Variants in DNAAF10 observed in about 807,000 individuals in gnomAD.
DNAAF10 encodes dynein axonemal assembly factor 10, also known as WD repeat domain 92.
Under a neutral mutation model 43.7 loss-of-function variants are expected in DNAAF10, and 28 were observed. The observed-to-expected ratio is 0.64, with a 90% CI of 0.48 to 0.88. The LOEUF (loss-of-function observed/expected upper bound fraction) is 0.88, where lower values mean the gene tolerates loss of function less well. DNAAF10 is among the 40% of genes least tolerant of loss of function. DNAAF10 has a pLI of 0.00. For missense variants in DNAAF10, 403 were observed against 439.1 expected, an observed-to-expected ratio of 0.92 and a Z score of 0.73; for synonymous variants, 156 against 157.3, an observed-to-expected ratio of 0.99 and a Z score of 0.06.
At chr2:68,144,458 C>A in intron 3 of DNAAF10, 127 bp downstream of exon 3, 2 of 1,221,250 alleles carry the variant, frequency 1.6e-6, no homozygotes, top group Non-Finnish European at 2.3e-6. Context: ...AAAAAAGTAG[C>A]AGCAAGACTG....
chr2:68,136,335 G>T (rs1047619662), intron 6 of DNAAF10, among the ~76,000 whole-genome samples: 1 of 151,954 alleles, frequency 6.6e-6, no homozygotes, highest in African/African-American at 2.4e-5. Context: ...TTAGTAAAGT[G>T]ATTTATGTTG....
At chr2:68,132,281 G>A (rs186453471) in intron 7 of DNAAF10, among the ~76,000 whole-genome samples, 6 of 152,242 alleles carry the variant, frequency 3.9e-5, no homozygotes, top group East Asian at 1.9e-4. Context: ...GGCCAAGAAC[G>A]TAAGAAGCAC....
chr2:68,137,544 A>G, intron 5 of DNAAF10, 111 bp from the exon 6 acceptor site: 1 of 1,074,342 alleles, frequency 9.3e-7, no homozygotes, highest in Non-Finnish European at 1.3e-6. Flanking sequence ...AAGCACTCCA[A>G]CAATCATTTA....
At chr2:68,135,784 A>C (rs1386804979) in intron 6 of DNAAF10, among the ~76,000 whole-genome samples, 1 of 152,238 alleles carries the variant, frequency 6.6e-6, no homozygotes, top group African/African-American at 2.4e-5. Flanking sequence ...GAAACATTTT[A>C]TTTTGTAGCT....
chr2:68,136,352 G>C (rs1010062351), intron 6 of DNAAF10, among the ~76,000 whole-genome samples: 1 of 152,008 alleles, frequency 6.6e-6, no homozygotes, highest in African/African-American at 2.4e-5. Context: ...GTTGTTGATA[G>C]ATACTTAATA....
At chr2:68,140,758 C>T (rs755800344) in intron 4 of DNAAF10, among the ~76,000 whole-genome samples, 2 of 152,182 alleles carry the variant, frequency 1.3e-5, no homozygotes, top group Admixed American at 1.3e-4. Context: ...CCTACTATTA[C>T]TCTCTTCTAC....
At chr2:68,145,036 C>G (rs1481361406) in intron 2 of DNAAF10, among the ~76,000 whole-genome samples, 1 of 152,062 alleles carries the variant, frequency 6.6e-6, no homozygotes, top group Non-Finnish European at 1.5e-5. Flanking sequence ...GACTCATGGG[C>G]TCCTCCCCAA....
At chr2:68,136,596 A>ATCTT (rs1673049499) in intron 6 of DNAAF10, among the ~76,000 whole-genome samples, 1 of 152,194 alleles carries the variant, frequency 6.6e-6, no homozygotes, top group Non-Finnish European at 1.5e-5. Context: ...TCTGTAACTG[A>ATCTT]TCTTTCTTTC....
At chr2:68,157,159 G>A (rs1439905037) in intron 1 of DNAAF10, 102 bp downstream of exon 1, 5 of 1,469,886 alleles carry the variant, frequency 3.4e-6, no homozygotes, top group Non-Finnish European at 4.5e-6. Context: ...CTCAAGCCAT[G>A]CTTTGGGGGA....
chr2:68,136,661 C>G (rs1673050424), intron 6 of DNAAF10, among the ~76,000 whole-genome samples: 1 of 152,168 alleles, frequency 6.6e-6, no homozygotes, highest in African/African-American at 2.4e-5. Context: ...TTGTGAATGA[C>G]AGGACCTTTC....
rs1190157480 is a variant in DNAAF10, at chr2:68,131,438, G to T, written c.874C>A (p.Pro292Thr). 6.2e-7 allele frequency: 1 copy of T among 1,613,472 alleles called. No homozygotes were observed. Among genetic ancestry groups the T allele is most frequent in the African/African-American group, 1.3e-5 (1 of 74,922 alleles). ...GAATCTTTCTTTGACCGCTGAATAGGGTATTCACTGAAAACAAGATCAAAA... is the reference window on the plus strand; with the variant it reads ...GAATCTTTCTTTGACCGCTGAATAGTGTATTCACTGAAAACAAGATCAAAA... ...GGLHLWKYEY[P>T]IQRSKKDSEG... The change falls in exon 8 of 8, where the codon CCT (proline) becomes ACT (threonine). Residue 292 changes from proline (P) to threonine (T), a missense_variant. Physicochemically the swap from Pro to Thr is conservative, Grantham distance 38. Transcript: ENST00000295121.
At chr2:68,141,978 C>T (rs924973496) in intron 3 of DNAAF10, among the ~76,000 whole-genome samples, 183 bp from the exon 4 acceptor site, 1 of 152,150 alleles carries the variant, frequency 6.6e-6, no homozygotes, top group Non-Finnish European at 1.5e-5. Flanking sequence ...AGATATCACC[C>T]ATATGTAACT....
chr2:68,136,767 C>T (rs7586731), intron 6 of DNAAF10, among the ~76,000 whole-genome samples: 110,687 of 151,462 alleles, frequency 0.73, 41,584 homozygotes, highest in African/African-American at 0.93. Flanking sequence ...ATTGGTCTAA[C>T]GCCATAATAC....
rs1673606775 is a variant in DNAAF10, at chr2:68,156,229, C to T, written c.183+1032G>A. Among the ~76,000 whole-genome samples, 3 of 151,604 alleles carry T rather than the reference C, an allele frequency of 2.0e-5. No homozygotes were observed. In the South Asian group the frequency reaches 6.2e-4, roughly 32 times the overall value. On this transcript the variant is annotated intron_variant, in intron 1 of 7. Coordinates refer to ENST00000295121, the MANE Select transcript of DNAAF10 (RefSeq NM_138458.4). ...GTTTGTCATTCAGGGAAACTTAAAG[C>T]GGGATGGGGTCTTACATACTTTCTA...
chr2:68,137,414 T>A lies in DNAAF10; in HGVS notation c.653A>T (p.Asp218Val). The change falls in exon 6 of 8, where the codon GAC becomes GTC. Residue 218 changes from aspartate (D) to valine (V), a missense_variant. Transcript: ENST00000295121. Reference sequence around the variant, plus strand: ...CTTATTCATACTTATGTCTTTTCTGTCAAACTCCAAGCTACACACCTGAAA... The same window carrying A: ...CTTATTCATACTTATGTCTTTTCTGACAAACTCCAAGCTACACACCTGAAA... The part of the protein sequence containing the change: ...IKNGVCSLEF[D>V]RKDISMNKLV... The A allele has an allele frequency of 6.2e-7, 1 of 1,612,326 alleles. No homozygotes were observed. Among genetic ancestry groups the A allele is most frequent in the Non-Finnish European group, 8.5e-7 (1 of 1,179,186 alleles).
intron 1 of DNAAF10, among the ~76,000 whole-genome samples, chr2:68,155,368 C>T (rs1673569886): frequency 6.6e-6 from 1 of 151,716 alleles, no homozygotes; most frequent in African/African-American, 2.4e-5. Context: ...GTAGCATGTG[C>T]CTGTAATTCC....
chr2:68,131,483 T>C, intron 7 of DNAAF10, 38 bp from the exon 8 acceptor site: 1 of 1,600,144 alleles, frequency 6.2e-7, no homozygotes, highest in Non-Finnish European at 8.6e-7. Flanking sequence ...CGCATAAATC[T>C]TAGCTTTCAC....
At chr2:68,153,827 C>T (rs1199125607) in intron 1 of DNAAF10, among the ~76,000 whole-genome samples, 6 of 139,632 alleles carry the variant, frequency 4.3e-5, no homozygotes, top group Non-Finnish European at 7.5e-5. Flanking sequence ...TCTCGGCTCA[C>T]TGCAACTTCT....
rs1673646890 is a variant in DNAAF10, at chr2:68,157,243, C to G, written c.183+18G>C. 1 of 1,604,656 alleles carries G rather than the reference C, an allele frequency of 6.2e-7. No individual in the cohort carries two copies. Among genetic ancestry groups the G allele is most frequent in the Non-Finnish European group, 8.5e-7 (1 of 1,175,320 alleles). On this transcript the variant is annotated intron_variant, in intron 1 of 7. Coordinates refer to ENST00000295121, the MANE Select transcript of DNAAF10 (RefSeq NM_138458.4). ...ACTCGCCCCCAACGGCAGTCCGGATCCTCGACCCGGCACCCACCTCCCGAA... is the reference window on the plus strand; with the variant it reads ...ACTCGCCCCCAACGGCAGTCCGGATGCTCGACCCGGCACCCACCTCCCGAA...
Sources: allele counts gnomAD v4.1 joint callset (sites outside exome capture counted in the v4.1 genomes callset), GRCh38; gene constraint gnomAD v4.1.1; transcripts MANE v1.5; gene names NCBI Gene and HGNC (gene_info 2026-07-23, HGNC 2026-07-21).